MYT1: variants seen among roughly 807,000 people sequenced by gnomAD.
MYT1 encodes myelin transcription factor I.
Under a neutral mutation model 123.0 loss-of-function variants are expected in MYT1, and 23 were observed. That is an observed-to-expected ratio of 0.19 (90% CI 0.13 to 0.26). The LOEUF is 0.26. Ranked by LOEUF, MYT1 falls within the 10% of genes least tolerant of loss-of-function variation. The pLI, the probability that MYT1 is intolerant of heterozygous loss-of-function variation, is 1.00. For missense variants in MYT1, 1,125 were observed against 1,472.5 expected (o/e 0.76, Z 3.86); for synonymous variants, 518 against 575.3 (o/e 0.90, Z 1.43).
chr20:64,205,686 G>A lies in MYT1; in HGVS notation c.283G>A (p.Glu95Lys). 6.2e-7 allele frequency: 1 copy of A among 1,614,222 alleles called. No homozygotes were observed. Among genetic ancestry groups the A allele is most frequent in the Non-Finnish European group, 8.5e-7 (1 of 1,180,024 alleles). ...EGYGVDSDGS[E>K]DTEVKDASVS... Reference sequence around the variant, plus strand: ...CTATGGTGTGGACAGCGACGGCAGTGAGGACACTGAGGTGAAGGACGCCTC... The same window carrying A: ...CTATGGTGTGGACAGCGACGGCAGTAAGGACACTGAGGTGAAGGACGCCTC... The change falls in exon 6 of 23, where the codon GAG (glutamate) becomes AAG (lysine). Residue 95 changes from glutamate to lysine, a missense_variant. Glu to Lys is a moderately conservative substitution (Grantham distance 56). Around this residue, in one of 4 missense-constraint regions of MYT1, gnomAD observed 406 missense variants for 432.2 expected, o/e 0.94. Transcript: ENST00000328439.
At chr20:64,233,837 C>T (rs946197843) in intron 19 of MYT1, among the ~76,000 whole-genome samples, 7 of 152,098 alleles carry the variant, frequency 4.6e-5, no homozygotes, top group Non-Finnish European at 8.8e-5. Context: ...CAGCCTGGCC[C>T]GCTGGACAAG....
Position 64,202,032 on chromosome 20 carries a change from C to G in MYT1, c.86+2110C>G, listed in dbSNP as rs528322074. ...CGGGAACCCCTCGCGTGTCGGGAAC[C>G]CCCGCGTGTCGGGAACCTCTGCGTG... On this transcript the variant is annotated intron_variant, in intron 4 of 22. Coordinates refer to ENST00000328439, the MANE Select transcript of MYT1 (RefSeq NM_004535.3). This position sits in a 1 kb window ranked among gnomAD's most constrained non-coding sequence, Gnocchi z 5.0. Among the ~76,000 whole-genome samples, 1 of 151,774 alleles carries G rather than the reference C, an allele frequency of 6.6e-6. No individual in the cohort carries two copies. The highest frequency in any genetic ancestry group is 1.9e-4 in the East Asian group (1 of 5,152).
At chr20:64,181,512 A>G (rs1292504906) in intron 1 of MYT1, among the ~76,000 whole-genome samples, 1 of 152,210 alleles carries the variant, frequency 6.6e-6, no homozygotes, top group Non-Finnish European at 1.5e-5. Flanking sequence ...GAGGATGGAC[A>G]CAATGGTATT....
In MYT1 at chr20:64,203,001, C is replaced by T. The variant is rs948487890; in HGVS notation, c.87-2034C>T. On this transcript the variant is annotated intron_variant, in intron 4 of 22. Transcript: ENST00000328439. This position sits in a 1 kb window ranked among gnomAD's most constrained non-coding sequence, Gnocchi z 5.1. Reference sequence around the variant, plus strand: ...GAACTGCAGGGCTGGCATCTGCTGGCACGACACCCTTGGAGGCCCTGGCTG... The same window carrying T: ...GAACTGCAGGGCTGGCATCTGCTGGTACGACACCCTTGGAGGCCCTGGCTG... Among the ~76,000 whole-genome samples the T allele has an allele frequency of 2.6e-5, 4 of 152,234 alleles. No individual in the cohort carries two copies. The highest frequency in any genetic ancestry group is 7.2e-5 in the African/African-American group (3 of 41,462).
intron 1 of MYT1, among the ~76,000 whole-genome samples, chr20:64,184,029 AG>A (rs1156485094): frequency 1.3e-5 from 2 of 152,146 alleles, no homozygotes; most frequent in African/African-American, 4.8e-5. Context: ...CATGCTGGCC[AG>A]GCTGGTCTCG....
rs1982038395 is a variant in MYT1, at chr20:64,164,919, C to A, written c.-99+180C>A. Among the ~76,000 whole-genome samples, 2 of 152,126 alleles carry A rather than the reference C, an allele frequency of 1.3e-5. 1 individual carries two copies. Among genetic ancestry groups the A allele is most frequent in the Admixed American group, 1.3e-4 (2 of 15,272 alleles). ...AACTGCTCTGGAGGACGGGGGCTTT[C>A]TTCTCCTCCCTGGCCTGCCGTGTGC... is the stretch of plus-strand genomic sequence containing the variant. On this transcript the variant is annotated intron_variant, in intron 1 of 22. Coordinates refer to ENST00000328439, the MANE Select transcript of MYT1 (RefSeq NM_004535.3).
At position 64,235,115 on chromosome 20, in the gene MYT1, G is replaced by C. The variant is rs183886820; in HGVS notation, c.2898-1440G>C. ...TGGGATGGCCGTGGTGGGTGACCCT[G>C]GGATGGTCATGATGGGTGACCCTGG... On this transcript the variant is annotated intron_variant, in intron 19 of 22. Coordinates refer to ENST00000328439, the MANE Select transcript of MYT1 (RefSeq NM_004535.3). 5.0e-4 allele frequency among the ~76,000 whole-genome samples: 74 copies of C among 147,502 alleles called. 1 individual carries two copies. The East Asian group carries it at 0.014, about 28-fold the overall frequency.
intron 1 of MYT1, among the ~76,000 whole-genome samples, chr20:64,169,950 C>T (rs1430035751): frequency 6.6e-6 from 1 of 152,152 alleles, no homozygotes; most frequent in East Asian, 1.9e-4. Context: ...CAGCCTCCCT[C>T]ACAGTCCCAC....
chr20:64,165,061 A>G (rs1371010926), intron 1 of MYT1, among the ~76,000 whole-genome samples: 1 of 151,922 alleles, frequency 6.6e-6, no homozygotes, highest in Non-Finnish European at 1.5e-5. Flanking sequence ...CAGAAACTTT[A>G]TGCGCATTTC....
intron 1 of MYT1, among the ~76,000 whole-genome samples, chr20:64,183,742 C>T (rs1351070274): frequency 1.3e-5 from 2 of 152,146 alleles, no homozygotes; most frequent in Non-Finnish European, 2.9e-5. Context: ...TTTCCAAATA[C>T]AAGCTCTTTA....
At chr20:64,176,599 T>C (rs1982463024) in intron 1 of MYT1, among the ~76,000 whole-genome samples, 1 of 152,230 alleles carries the variant, frequency 6.6e-6, no homozygotes, top group South Asian at 2.1e-4. Context: ...TGGACTGGGG[T>C]CACAGCATTG....
intron 1 of MYT1, among the ~76,000 whole-genome samples, chr20:64,181,441 T>G (rs1466562705): frequency 4.6e-5 from 7 of 152,232 alleles, no homozygotes; most frequent in African/African-American, 1.7e-4. Context: ...TCTTTGACTC[T>G]ATCTCCCAAG....
intron 7 of MYT1, among the ~76,000 whole-genome samples, chr20:64,209,911 C>T (rs563327159): frequency 2.0e-5 from 3 of 152,180 alleles, no homozygotes; most frequent in Admixed American, 6.5e-5. Flanking sequence ...GATGGCGGGA[C>T]AGCTCTTTGG....
rs545469454 is a variant in MYT1, at chr20:64,167,779, G to T, written c.-99+3040G>T. 6.6e-6 allele frequency among the ~76,000 whole-genome samples: 1 copy of T among 152,270 alleles called. No individual in the cohort carries two copies. Among genetic ancestry groups the T allele is most frequent in the South Asian group, 2.1e-4 (1 of 4,822 alleles). On this transcript the variant is annotated intron_variant, in intron 1 of 22. Transcript: ENST00000328439. The surrounding 1 kb of genome is among the most constrained non-coding windows in gnomAD (Gnocchi z 6.3). ...TAGATCCTCCCCCTCTGCATTTTCC[G>T]TGTGAACTCCCTCATGAATAAACCA...
chr20:64,216,993 T>C lies in MYT1; in HGVS notation c.1632-74T>C, dbSNP rs370195124. 3 of 1,424,656 alleles carry C rather than the reference T, an allele frequency of 2.1e-6. No individual in the cohort carries two copies. The East Asian group carries it at 6.9e-5, about 33-fold the overall frequency. The allele number at this position is 1,424,656 out of a possible 1,614,324, so 88.3% of individuals were successfully genotyped here. On this transcript the variant is annotated intron_variant, in intron 10 of 22. Transcript: ENST00000328439. ...GTGAGGCCCCTGCCTGGGCTGCAGA[T>C]TGGGGTTGGGGAGGGTGGCACGGGA...
intron 13 of MYT1, among the ~76,000 whole-genome samples, chr20:64,220,954 C>T (rs990766642): frequency 2.0e-5 from 3 of 152,084 alleles, no homozygotes; most frequent in Admixed American, 2.0e-4. Flanking sequence ...CTCCACAATC[C>T]GGCCTCAGTG....
At chr20:64,217,967 A>G (rs1426192453) in intron 11 of MYT1, among the ~76,000 whole-genome samples, 1 of 152,262 alleles carries the variant, frequency 6.6e-6, no homozygotes, top group Non-Finnish European at 1.5e-5. Flanking sequence ...GCGAAATGGA[A>G]AAGCATTCAG....
In MYT1 at chr20:64,198,844, G is replaced by A. The variant is rs202164355; in HGVS notation, c.1-18G>A. ...CTGGCTGGGTTTTCTTGTTAACGTC[G>A]TGGTTTTTTGCTTGCAGATGAGCTT... is the stretch of plus-strand genomic sequence containing the variant. On this transcript the variant is annotated intron_variant, in intron 2 of 22. Transcript: ENST00000328439. The A allele has an allele frequency of 2.9e-5, 46 of 1,614,024 alleles. No individual in the cohort carries two copies. The highest frequency in any genetic ancestry group is 3.6e-5 in the Non-Finnish European group (42 of 1,179,912).
chr20:64,223,655 G>A (rs1195273107), intron 16 of MYT1, among the ~76,000 whole-genome samples: 1 of 152,096 alleles, frequency 6.6e-6, no homozygotes, highest in African/African-American at 2.4e-5. Flanking sequence ...AGCCTCTCCT[G>A]AAGATCCCCG....
Sources: gnomAD v4.1 joint callset for allele counts (sites outside exome capture counted in the v4.1 genomes callset) on GRCh38, gnomAD v4.1.1 for gene constraint, gnomAD v4.1.1 regional missense constraint, Gnocchi (gnomAD v3.1) non-coding constraint, MANE v1.5 for transcripts, NCBI Gene and HGNC (gene_info 2026-07-23, HGNC 2026-07-21) for gene names.